Variants in CNBD1 observed in about 807,000 individuals in gnomAD.
The protein encoded by CNBD1 is cyclic nucleotide-binding domain-containing protein 1.
CNBD1 carries 71 observed loss-of-function variants against 54.4 expected under a neutral mutation model. The observed-to-expected ratio is 1.30, with a 90% CI of 1.08 to 1.59. CNBD1 has a LOEUF of 1.59. Ranked by LOEUF, CNBD1 falls within the 40% of genes most tolerant of loss-of-function variation. The pLI, the probability that CNBD1 is intolerant of heterozygous loss-of-function variation, is 0.00. For missense variants in CNBD1, 659 were observed against 518.0 expected, an observed-to-expected ratio of 1.27 and a Z score of -2.64; for synonymous variants, 182 against 170.7, an observed-to-expected ratio of 1.07 and a Z score of -0.51.
intron 4 of CNBD1, among the ~76,000 whole-genome samples, chr8:87,106,379 T>G (rs1811537332): frequency 6.6e-6 from 1 of 151,944 alleles, no homozygotes; most frequent in African/African-American, 2.4e-5. Context: ...GCCCAGCTAA[T>G]TTTTGTATTT....
chr8:87,387,013 G>A (rs185553197), downstream of CNBD1, among the ~76,000 whole-genome samples: 53 of 152,176 alleles, frequency 3.5e-4, no homozygotes, highest in Admixed American at 7.2e-4. Flanking sequence ...ACTAAGCTCC[G>A]TAAGTGAGGG....
intron 4 of CNBD1, among the ~76,000 whole-genome samples, chr8:87,094,969 G>A (rs771487126): frequency 3.3e-5 from 5 of 152,174 alleles, no homozygotes; most frequent in Non-Finnish European, 5.9e-5. Flanking sequence ...AACCTGGGAG[G>A]CAGAGGTTGC....
intron 3 of CNBD1, 93 bp downstream of exon 3, chr8:86,905,287 C>A: frequency 1.4e-6 from 1 of 714,566 alleles, no homozygotes; most frequent in Non-Finnish European, 2.4e-6. Context: ...AAATATTTGA[C>A]CAGTTTCAGT....
At chr8:86,981,432 T>G (rs977782640) in intron 4 of CNBD1, among the ~76,000 whole-genome samples, 3 of 152,230 alleles carry the variant, frequency 2.0e-5, no homozygotes, top group Non-Finnish European at 4.4e-5. Flanking sequence ...TTACCCAGAT[T>G]CTGGTCTTTA....
In CNBD1 at chr8:87,182,602, G is replaced by A. The variant is rs1813380012; in HGVS notation, c.432-23391G>A. On this transcript the variant is annotated intron_variant, in intron 4 of 10. Coordinates refer to ENST00000518476, the MANE Select transcript of CNBD1 (RefSeq NM_173538.3). This position sits in a 1 kb window ranked among gnomAD's most constrained non-coding sequence, Gnocchi z 4.1. ...ATAGCCATTCTGACTGATACGAGATGGTATCTCATCGTGGTTTTGATTTGC... is the reference window on the plus strand; with the variant it reads ...ATAGCCATTCTGACTGATACGAGATAGTATCTCATCGTGGTTTTGATTTGC... Among the ~76,000 whole-genome samples the A allele has an allele frequency of 1.3e-5, 2 of 152,072 alleles. No homozygotes were observed. The highest frequency in any genetic ancestry group is 2.1e-4 in the South Asian group (1 of 4,816).
intron 9 of CNBD1, among the ~76,000 whole-genome samples, chr8:87,352,252 G>A (rs532181400): frequency 3.7e-4 from 57 of 152,094 alleles, no homozygotes; most frequent in Non-Finnish European, 6.5e-4. Context: ...AGGCCGAGGC[G>A]GGCGGATCAC....
chr8:87,406,231 A>T (rs997322646), intron 2 of CNBD1, among the ~76,000 whole-genome samples: 2 of 152,086 alleles, frequency 1.3e-5, no homozygotes, highest in African/African-American at 4.8e-5. Flanking sequence ...AAACTTTTTT[A>T]AAGTGAAAAT....
At chr8:87,271,953 A>C (rs2130858733) in intron 6 of CNBD1, among the ~76,000 whole-genome samples, 1 of 152,166 alleles carries the variant, frequency 6.6e-6, no homozygotes, top group Non-Finnish European at 1.5e-5. Context: ...GTCAACTGCA[A>C]CAATGTGGTT....
chr8:87,097,467 AAAAC>A (rs1291550686), intron 4 of CNBD1, among the ~76,000 whole-genome samples: 9 of 152,214 alleles, frequency 5.9e-5, no homozygotes, highest in African/African-American at 2.2e-4. Context: ...TGTACCAAGA[AAAAC>A]ATTTATGTTT....
At chr8:87,410,220 C>A (rs1030553860) in intron 2 of CNBD1, among the ~76,000 whole-genome samples, 3 of 152,074 alleles carry the variant, frequency 2.0e-5, no homozygotes, top group African/African-American at 7.2e-5. Flanking sequence ...ATCCACATGC[C>A]TGCTACCACA....
rs544345521 is a variant in CNBD1 at position 87,061,600 on chromosome 8, A to G, written c.431+121846A>G. Among the ~76,000 whole-genome samples, 13 of 152,310 alleles carry G rather than the reference A, an allele frequency of 8.5e-5. No individual in the cohort carries two copies. The South Asian group carries it at 2.3e-3, about 27-fold the overall frequency. On this transcript the variant is annotated intron_variant, in intron 4 of 10. Coordinates refer to ENST00000518476, the MANE Select transcript of CNBD1 (RefSeq NM_173538.3). ...TTTTGGTTGAGTTCACCATGCTTCA[A>G]TATGTTGTGTTTGCCCCATTCTGAG...
chr8:87,040,423 CTTTT>C (rs71277911), intron 4 of CNBD1, among the ~76,000 whole-genome samples: 1 of 129,386 alleles, frequency 7.7e-6, no homozygotes. Context: ...AATTCTTTTT[CTTTT>C]TTTTTTTTTT....
intron 2 of CNBD1, among the ~76,000 whole-genome samples, chr8:87,393,559 G>A (rs1332670998): frequency 6.6e-6 from 1 of 151,814 alleles, no homozygotes; most frequent in Non-Finnish European, 1.5e-5. Context: ...TTCCCCCAAA[G>A]ACATTATGGT....
chr8:86,974,356 A>G (rs746651493), intron 4 of CNBD1, among the ~76,000 whole-genome samples: 1 of 152,108 alleles, frequency 6.6e-6, no homozygotes. Context: ...TAATGTAGAT[A>G]AACATTCCCA....
intron 4 of CNBD1, among the ~76,000 whole-genome samples, chr8:86,991,980 T>C (rs1466820110): frequency 6.6e-6 from 1 of 152,134 alleles, no homozygotes; most frequent in African/African-American, 2.4e-5. Context: ...GAAGAATGTA[T>C]ATTATGTGAT....
At chr8:87,400,577 A>T (rs1029190280) in intron 2 of CNBD1, among the ~76,000 whole-genome samples, 1 of 152,002 alleles carries the variant, frequency 6.6e-6, no homozygotes, top group African/African-American at 2.4e-5. Context: ...GACACAAGGA[A>T]CTAACAAAAG....
intron 4 of CNBD1, among the ~76,000 whole-genome samples, chr8:86,997,670 G>A (rs1808905215): frequency 6.6e-6 from 1 of 152,124 alleles, no homozygotes; most frequent in Non-Finnish European, 1.5e-5. Flanking sequence ...AACCACAGGA[G>A]ACAGCAGATG....
intron 4 of CNBD1, among the ~76,000 whole-genome samples, chr8:87,006,762 A>ACTCCTCCTCTTTAAT (rs1403790260): frequency 1.3e-5 from 2 of 151,686 alleles, no homozygotes; most frequent in African/African-American, 4.8e-5. Context: ...TCAGATGACA[A>ACTCCTCCTCTTTAAT]CTCCTCCTCT....
At chr8:87,149,784 TAGA>T (rs1272456624) in intron 4 of CNBD1, among the ~76,000 whole-genome samples, 1 of 152,000 alleles carries the variant, frequency 6.6e-6, no homozygotes, top group Non-Finnish European at 1.5e-5. Context: ...GTAATGAGAA[TAGA>T]AGGTGAAATG....
Sources: allele counts gnomAD v4.1 joint callset (sites outside exome capture counted in the v4.1 genomes callset), GRCh38; gene constraint gnomAD v4.1.1; non-coding constraint Gnocchi (gnomAD v3.1); transcripts MANE v1.5; gene names NCBI Gene and HGNC (gene_info 2026-07-23, HGNC 2026-07-21).